Variants in CCSER1 observed in about 807,000 individuals in gnomAD.
The protein encoded by CCSER1 is serine-rich coiled-coil domain-containing protein 1.
Under a neutral mutation model 82.0 loss-of-function variants are expected in CCSER1, and 41 were observed. The ratio of observed to expected loss-of-function variants is 0.50; its 90% CI spans 0.39 to 0.65. The LOEUF is 0.65. Among genes scored for constraint, CCSER1 ranks in the 30% least tolerant of loss-of-function variants. The pLI, the probability that CCSER1 is intolerant of heterozygous loss-of-function variation, is 0.00. For synonymous variants in CCSER1, 414 were observed against 383.9 expected, an observed-to-expected ratio of 1.08 and a Z score of -0.92; for missense variants, 1,119 against 1,064.2, an observed-to-expected ratio of 1.05 and a Z score of -0.72.
At chr4:90,360,201 G>C (rs1745114559) in intron 3 of CCSER1, among the ~76,000 whole-genome samples, 2 of 148,226 alleles carry the variant, frequency 1.3e-5, no homozygotes, top group Non-Finnish European at 3.0e-5. Context: ...ACAGGCGTGA[G>C]CCACCGCGCC....
intron 9 of CCSER1, among the ~76,000 whole-genome samples, chr4:90,976,658 A>C (rs1369975414): frequency 6.6e-6 from 1 of 151,562 alleles, no homozygotes; most frequent in Non-Finnish European, 1.5e-5. Flanking sequence ...ATCAACAATA[A>C]ATGAGTATTT....
intron 10 of CCSER1, among the ~76,000 whole-genome samples, chr4:91,508,162 G>GTTTTTTTTTTTTTTTTTTT (rs139066436): frequency 1.0e-5 from 1 of 97,654 alleles, no homozygotes; most frequent in Non-Finnish European, 1.9e-5. Flanking sequence ...TTTTTTCTGG[G>GTTTTTTTTTTTTTTTTTTT]TTTTTTTTTT....
At chr4:90,374,226 A>G (rs958822815) in intron 3 of CCSER1, among the ~76,000 whole-genome samples, 4 of 152,226 alleles carry the variant, frequency 2.6e-5, no homozygotes, top group African/African-American at 9.6e-5. Context: ...GAAAGTGTAT[A>G]AGAATTGGCA....
chr4:90,177,455 T>C (rs1052878496), intron 1 of CCSER1, among the ~76,000 whole-genome samples: 2 of 152,128 alleles, frequency 1.3e-5, no homozygotes, highest in African/African-American at 4.8e-5. Flanking sequence ...TAGGGGTGGG[T>C]TGCCCCTGTT....
At chr4:91,006,520 C>T (rs1434741307) in intron 9 of CCSER1, among the ~76,000 whole-genome samples, 1 of 149,798 alleles carries the variant, frequency 6.7e-6, no homozygotes, top group Non-Finnish European at 1.5e-5. Context: ...GACGGAGTCT[C>T]GCTCTGTCAC....
chr4:91,553,707 GC>G (rs1412039693), intron 10 of CCSER1, among the ~76,000 whole-genome samples: 2 of 150,560 alleles, frequency 1.3e-5, no homozygotes, highest in African/African-American at 4.9e-5. Context: ...ATTTGTTGTT[GC>G]TCAATTACTT....
At chr4:91,275,813 A>T (rs540588667) in intron 10 of CCSER1, among the ~76,000 whole-genome samples, 1 of 152,254 alleles carries the variant, frequency 6.6e-6, no homozygotes, top group African/African-American at 2.4e-5. Flanking sequence ...TAAGTCTTTA[A>T]ACCGTCTTGA....
chr4:90,833,138 G>A (rs1230045189), intron 8 of CCSER1, among the ~76,000 whole-genome samples: 1 of 152,150 alleles, frequency 6.6e-6, no homozygotes, highest in African/African-American at 2.4e-5. Flanking sequence ...GGAAGTCCAA[G>A]ATCAAGGAAC....
chr4:90,784,057 T>C (rs1754158995), intron 7 of CCSER1, among the ~76,000 whole-genome samples: 1 of 152,252 alleles, frequency 6.6e-6, no homozygotes, highest in South Asian at 2.1e-4. Flanking sequence ...CTATTTGTTG[T>C]CATTACATTT....
At chr4:91,182,067 C>T (rs1734086080) in intron 10 of CCSER1, among the ~76,000 whole-genome samples, 1 of 152,172 alleles carries the variant, frequency 6.6e-6, no homozygotes, top group Non-Finnish European at 1.5e-5. Context: ...TGTCTTTCAC[C>T]ATCTGTGACA....
chr4:90,495,887 C>A (rs1399261470), intron 5 of CCSER1, among the ~76,000 whole-genome samples: 1 of 152,070 alleles, frequency 6.6e-6, no homozygotes, highest in African/African-American at 2.4e-5. Context: ...ATAATCAAAC[C>A]ACTTTGCTTT....
intron 7 of CCSER1, among the ~76,000 whole-genome samples, chr4:90,813,154 G>GCAAGTTA (rs1366205246): frequency 6.6e-6 from 1 of 152,184 alleles, no homozygotes; most frequent in Non-Finnish European, 1.5e-5. Flanking sequence ...AAAATCAAAA[G>GCAAGTTA]CAAGTTACTT....
chr4:90,516,128 G>C (rs993190928), intron 5 of CCSER1, among the ~76,000 whole-genome samples: 30 of 152,142 alleles, frequency 2.0e-4, no homozygotes, highest in African/African-American at 6.8e-4. Context: ...GTGTGGGTAG[G>C]CCCTTTTTGA....
At chr4:90,388,037 C>T (rs1044233477) in intron 3 of CCSER1, among the ~76,000 whole-genome samples, 5 of 152,122 alleles carry the variant, frequency 3.3e-5, no homozygotes, top group African/African-American at 1.2e-4. Context: ...GCTAGTATAT[C>T]ACCATGAGAA....
rs34691316 is a variant in CCSER1, at chr4:90,567,013, TA to T, written c.1725-61001del. Among the ~76,000 whole-genome samples the T allele has an allele frequency of 4.7e-4, 54 of 116,052 alleles. 1 individual carries two copies. The highest frequency in any genetic ancestry group is 5.1e-4 in the African/African-American group (10 of 19,580). The allele number at this position is 116,052 out of a possible 152,430, so 76.1% of individuals were successfully genotyped here. A position where few individuals can be genotyped will look rare whatever the true frequency, so the allele number is the denominator to read the frequency against. On this transcript the variant is annotated intron_variant, in intron 5 of 10. Transcript: ENST00000509176. ...TAAAGGTTTATTGGTTTTGCTTACT[TA>T]AAAAAAAAAACAAAAACAAAAACAA...
At chr4:90,139,348 T>G (rs1467140164) in intron 1 of CCSER1, among the ~76,000 whole-genome samples, 1 of 152,192 alleles carries the variant, frequency 6.6e-6, no homozygotes, top group Non-Finnish European at 1.5e-5. Context: ...TCTATTTTGG[T>G]CAGAAATTCC....
intron 10 of CCSER1, among the ~76,000 whole-genome samples, chr4:91,154,000 A>G (rs1258988964): frequency 6.6e-6 from 1 of 151,874 alleles, no homozygotes; most frequent in East Asian, 1.9e-4. Context: ...TCAGATCTCA[A>G]ACTCTGTGCT....
At chr4:91,517,733 T>A (rs560616608) in intron 10 of CCSER1, among the ~76,000 whole-genome samples, 1 of 148,058 alleles carries the variant, frequency 6.8e-6, no homozygotes, top group African/African-American at 2.5e-5. Flanking sequence ...GCTGGTTCTT[T>A]CAGTTCTTTC....
At chr4:91,026,483 C>T (rs1033009911) in intron 9 of CCSER1, among the ~76,000 whole-genome samples, 1 of 152,068 alleles carries the variant, frequency 6.6e-6, no homozygotes, top group African/African-American at 2.4e-5. Context: ...TCATGAAACT[C>T]TATTCTCTTG....
Sources: gnomAD v4.1 joint callset for allele counts (sites outside exome capture counted in the v4.1 genomes callset) on GRCh38, gnomAD v4.1.1 for gene constraint, MANE v1.5 for transcripts, NCBI Gene and HGNC (gene_info 2026-07-23, HGNC 2026-07-21) for gene names.